Variants in BLTP3A observed in about 807,000 individuals in gnomAD.
The protein encoded by BLTP3A is bridge-like lipid transfer protein family member 3A.
chr6:34,843,087 G>C, the BLTP3A span, among the ~76,000 whole-genome samples: 1 of 152,136 alleles, frequency 6.6e-6, no homozygotes, highest in Middle Eastern at 3.4e-3. Context: ...AGACTCAAAC[G>C]ATCCTCCCAC....
the BLTP3A span, chr6:34,858,584 T>C: frequency 6.2e-7 from 1 of 1,614,166 alleles, no homozygotes; most frequent in East Asian, 2.2e-5. Flanking sequence ...CGGAAGCTTC[T>C]TTTGGCCTCA....
the BLTP3A span, among the ~76,000 whole-genome samples, chr6:34,848,283 C>CA: frequency 0.2 from 28,019 of 142,752 alleles, 3,135 homozygotes; most frequent in African/African-American, 0.31. Context: ...GACCCTGTCT[C>CA]AAAAAAAAAA....
chr6:34,814,969 C>T, the BLTP3A span, among the ~76,000 whole-genome samples: 2 of 152,238 alleles, frequency 1.3e-5, no homozygotes, highest in Admixed American at 1.3e-4. Context: ...GAAGTAAACA[C>T]CAGTGAGCAC....
chr6:34,857,314 G>A, the BLTP3A span: 1 of 1,613,388 alleles, frequency 6.2e-7, no homozygotes, highest in Non-Finnish European at 8.5e-7. Context: ...CTAACAAAAA[G>A]TTGTGATTGT....
the BLTP3A span, among the ~76,000 whole-genome samples, chr6:34,792,776 T>C: frequency 1.3e-5 from 2 of 152,184 alleles, no homozygotes; most frequent in Admixed American, 1.3e-4. Flanking sequence ...TCCCAGATCC[T>C]ATGCCCCTGC....
chr6:34,831,097 G>A, the BLTP3A span, among the ~76,000 whole-genome samples: 1 of 150,658 alleles, frequency 6.6e-6, no homozygotes, highest in African/African-American at 2.4e-5. Flanking sequence ...CTTCTACTCT[G>A]TACAGAATAC....
chr6:34,867,378 C>T, the BLTP3A span: 64 of 1,613,898 alleles, frequency 4.0e-5, no homozygotes, highest in South Asian at 3.6e-4. Flanking sequence ...ATCTTTCACC[C>T]GGTCAGCAGC....
chr6:34,855,467 G>A, the BLTP3A span: 1 of 795,660 alleles, frequency 1.3e-6, no homozygotes, highest in Non-Finnish European at 2.0e-6. Flanking sequence ...CCTCAGCCTT[G>A]CAAATCACCT....
the BLTP3A span, among the ~76,000 whole-genome samples, chr6:34,820,592 A>G: frequency 6.6e-6 from 1 of 150,658 alleles, no homozygotes; most frequent in African/African-American, 2.4e-5. Context: ...CCACTTGTCT[A>G]TGGGGATTTA....
chr6:34,836,011 G>A, the BLTP3A span: 1 of 991,902 alleles, frequency 1.0e-6, no homozygotes, highest in Non-Finnish European at 1.5e-6. Flanking sequence ...ACGGACCTAA[G>A]TGAGCTACTA....
chr6:34,836,137 C>G, the BLTP3A span: 1 of 1,607,318 alleles, frequency 6.2e-7, no homozygotes, highest in Non-Finnish European at 8.5e-7. Context: ...CTTCCTGTTT[C>G]TCTCTCTGTC....
At chr6:34,830,178 T>C in the BLTP3A span, among the ~76,000 whole-genome samples, 1 of 152,068 alleles carries the variant, frequency 6.6e-6, no homozygotes. Flanking sequence ...GCTGGTCTCA[T>C]CCTGGTCTCA....
chr6:34,826,201 T>C, the BLTP3A span, among the ~76,000 whole-genome samples: 2 of 151,950 alleles, frequency 1.3e-5, no homozygotes, highest in Admixed American at 1.3e-4. Flanking sequence ...ATTTTTGTTT[T>C]AGTAGAGACA....
chr6:34,864,544 C>A, the BLTP3A span, among the ~76,000 whole-genome samples: 2 of 68,468 alleles, frequency 2.9e-5, no homozygotes, highest in Non-Finnish European at 5.4e-5. Context: ...TTTTTTTTTG[C>A]CTGTGTTGTC....
At chr6:34,856,018 C>A in the BLTP3A span, 1 of 827,210 alleles carries the variant, frequency 1.2e-6, no homozygotes, top group Non-Finnish European at 1.5e-6. Flanking sequence ...TCAAATATGG[C>A]AGCAGTCAAC....
chr6:34,798,594 C>CTTTTTTTTTTTTTT, the BLTP3A span, among the ~76,000 whole-genome samples: 178 of 94,410 alleles, frequency 1.9e-3, no homozygotes, highest in African/African-American at 4.0e-3. Flanking sequence ...TTCTTTCTTT[C>CTTTTTTTTTTTTTT]TTTTTTTTTT....
the BLTP3A span, among the ~76,000 whole-genome samples, chr6:34,792,503 C>T: frequency 6.6e-6 from 1 of 152,210 alleles, no homozygotes; most frequent in Non-Finnish European, 1.5e-5. Context: ...TTCCCCCGCG[C>T]TGGGCCCTCC....
At chr6:34,864,925 G>A in the BLTP3A span, among the ~76,000 whole-genome samples, 12 of 151,992 alleles carry the variant, frequency 7.9e-5, no homozygotes, top group African/African-American at 1.7e-4. Context: ...CTGAGATTGC[G>A]CCACTGCATT....
chr6:34,838,738 T>A, the BLTP3A span, among the ~76,000 whole-genome samples: 1 of 152,108 alleles, frequency 6.6e-6, no homozygotes, highest in Non-Finnish European at 1.5e-5. Context: ...TGAGCCCAGG[T>A]GTTCAAGACC....
Sources: allele counts gnomAD v4.1 joint callset (sites outside exome capture counted in the v4.1 genomes callset), GRCh38; gene constraint gnomAD v4.1.1; transcripts MANE v1.5; gene names NCBI Gene and HGNC (gene_info 2026-07-23, HGNC 2026-07-21).